Variants in FADS3 observed in about 807,000 individuals in gnomAD.
FADS3 encodes the protein fatty acid desaturase 3.
Under a neutral mutation model 60.4 loss-of-function variants are expected in FADS3, and 30 were observed. The observed-to-expected ratio is 0.50, with a 90% CI of 0.37 to 0.67. The LOEUF (loss-of-function observed/expected upper bound fraction) is 0.67. Among genes scored for constraint, FADS3 ranks in the 30% least tolerant of loss-of-function variants. The pLI is 0.00. For missense variants in FADS3, 432 were observed against 598.3 expected (o/e 0.72, Z 2.90); for synonymous variants, 234 against 249.3 (o/e 0.94, Z 0.58).
In FADS3 at chr11:61,891,521, C is replaced by G; in HGVS notation, c.-140G>C. The G allele has an allele frequency of 2.0e-6, 1 of 498,008 alleles. No homozygotes were observed. Among genetic ancestry groups the G allele is most frequent in the Non-Finnish European group, 3.0e-6 (1 of 331,478 alleles). 30.8% of individuals were successfully genotyped at this position (498,008 alleles called of 1,614,324 possible). ...CCGCCCTGCCGCCGCGGCCGCCGTA[C>G]GAGCGAGCGTGCGCCTCCCGGCTCG... On this transcript the variant is annotated 5_prime_UTR_variant, in exon 1 of 12. Transcript: ENST00000278829.
chr11:61,877,303 C>G lies in FADS3; in HGVS notation c.885+208G>C, dbSNP rs1387189994. 1.1e-4 allele frequency: 28 copies of G among 255,522 alleles called. No homozygotes were observed. Among genetic ancestry groups the G allele is most frequent in the Non-Finnish European group, 1.7e-4 (23 of 131,470 alleles). The allele number at this position is 255,522 out of a possible 1,614,324, so 15.8% of individuals were successfully genotyped here. A position where few individuals can be genotyped will look rare whatever the true frequency, so the allele number is the denominator to read the frequency against. On this transcript the variant is annotated intron_variant, in intron 7 of 11. Transcript: ENST00000278829. This position sits in a 1 kb window ranked among gnomAD's most constrained non-coding sequence, Gnocchi z 4.7. ...ACCCACACCCCCCCTGTTCCTCAAC[C>G]CCCCCCCACCACACGTACAGTCACG...
At chr11:61,875,323 C>T (rs1481675978) in intron 11 of FADS3, among the ~76,000 whole-genome samples, 2 of 152,040 alleles carry the variant, frequency 1.3e-5, no homozygotes, top group Non-Finnish European at 2.9e-5. Context: ...TCTCCTCCCT[C>T]AGCCTCCCAA....
intron 11 of FADS3, among the ~76,000 whole-genome samples, chr11:61,874,701 G>A (rs1177252947): frequency 6.6e-6 from 1 of 152,040 alleles, no homozygotes; most frequent in African/African-American, 2.4e-5. Context: ...AACGCTCTTT[G>A]CCAGATGTCC....
At position 61,878,756 on chromosome 11, in the gene FADS3, C is replaced by T. The variant is rs1231395344; in HGVS notation, c.614G>A (p.Gly205Glu). The change falls in exon 4 of 12, where the codon GGG becomes GAG. Residue 205 changes from glycine to glutamate, a missense_variant. Coordinates refer to ENST00000278829, the MANE Select transcript of FADS3 (RefSeq NM_021727.5). ...WNHVAQKFVM[G>E]QLKGFSAHWW... is the part of the protein sequence containing the mutation. Reference sequence around the variant, plus strand: ...CCACCCCACCCTCACCTTTAGCTGCCCCATCACGAACTTCTGGGCCACGTG... The same window carrying T: ...CCACCCCACCCTCACCTTTAGCTGCTCCATCACGAACTTCTGGGCCACGTG... The T allele has an allele frequency of 6.2e-7, 1 of 1,614,046 alleles. No individual in the cohort carries two copies. The highest frequency in any genetic ancestry group is 2.2e-5 in the East Asian group (1 of 44,880).
intron 6 of FADS3, 99 bp downstream of exon 6, chr11:61,878,056 G>T: frequency 1.9e-6 from 2 of 1,048,272 alleles, no homozygotes; most frequent in Non-Finnish European, 3.0e-6. Context: ...TGACAGACGT[G>T]CCCCGCCCCA....
chr11:61,877,535 G>A lies in FADS3; in HGVS notation c.861C>T (p.Tyr287=). ...CCGCCCACTGCATGCACACCAGCATGTACGCCAGATTTTCCACTTCAAAGT... is the reference window on the plus strand; with the variant it reads ...CCGCCCACTGCATGCACACCAGCATATACGCCAGATTTTCCACTTCAAAGT... ...LVNFEVENLA[Y]MLVCMQWADL... Residue 287 remains tyrosine, a synonymous_variant, in exon 7 of 12, where the codon TAC becomes TAT. Coordinates refer to ENST00000278829, the MANE Select transcript of FADS3 (RefSeq NM_021727.5). The surrounding 1 kb of genome is among the most constrained non-coding windows in gnomAD (Gnocchi z 4.7). The A allele has an allele frequency of 6.2e-7, 1 of 1,613,726 alleles. No homozygotes were observed. Among genetic ancestry groups the A allele is most frequent in the Middle Eastern group, 1.7e-4 (1 of 6,060 alleles).
intron 1 of FADS3, chr11:61,882,174 A>G (rs887315634): frequency 1.4e-5 from 2 of 139,910 alleles, no homozygotes; most frequent in African/African-American, 5.4e-5. Flanking sequence ...GCAGTGGTGC[A>G]ATCATGGCTC....
chr11:61,874,560 C>T (rs560734914), intron 11 of FADS3, among the ~76,000 whole-genome samples: 2 of 152,340 alleles, frequency 1.3e-5, no homozygotes, highest in Non-Finnish European at 2.9e-5. Flanking sequence ...GACTCCTGCC[C>T]GCCAGTCATT....
At chr11:61,884,889 C>T (rs1163171295) in intron 1 of FADS3, among the ~76,000 whole-genome samples, 1 of 152,216 alleles carries the variant, frequency 6.6e-6, no homozygotes, top group East Asian at 1.9e-4. Context: ...TAGCGACAGG[C>T]TCTGTTCACA....
intron 11 of FADS3, 137 bp from the exon 12 acceptor site, chr11:61,874,002 A>T: frequency 1.6e-6 from 1 of 613,384 alleles, no homozygotes. Flanking sequence ...GCAGGCAGCG[A>T]TGCGGGCTGG....
rs749926596 is a variant in FADS3, at chr11:61,876,963, C to A, written c.886G>T (p.Asp296Tyr). 2.5e-6 allele frequency: 4 copies of A among 1,596,754 alleles called. No homozygotes were observed. In the South Asian group the frequency reaches 4.5e-5, roughly 18 times the overall value. Residue 296 changes from aspartate (D) to tyrosine (Y), a missense_variant and splice_region_variant, in exon 8 of 12, where the codon GAT becomes TAT. By Grantham distance (160) the Asp-to-Tyr change is radical. This residue lies in a region of FADS3 where 38 missense variants were observed against 34.8 expected (regional missense o/e 1.09). Coordinates refer to ENST00000278829, the MANE Select transcript of FADS3 (RefSeq NM_021727.5). The surrounding 1 kb of genome is among the most constrained non-coding windows in gnomAD (Gnocchi z 5.7). ...AYMLVCMQWA[D>Y]LLWAASFYAR... ...TAGAAGCTGGCGGCCCAGAGCAAAT[C>A]CTGCAGAGGAGGGCAGAGGCGATAC...
rs1277323105 is a variant in FADS3, at chr11:61,875,879, A to G, written c.1258T>C (p.Phe420Leu). 1 of 1,613,640 alleles carries G rather than the reference A, an allele frequency of 6.2e-7. No homozygotes were observed. Among genetic ancestry groups the G allele is most frequent in the South Asian group, 1.1e-5 (1 of 91,088 alleles). Residue 420 changes from phenylalanine to leucine, a missense_variant, in exon 11 of 12, where the codon TTC (phenylalanine) becomes CTC (leucine). This residue lies in a region of FADS3 where 63 missense variants were observed against 64.5 expected (regional missense o/e 0.98). Coordinates refer to ENST00000278829, the MANE Select transcript of FADS3 (RefSeq NM_021727.5). The stretch of plus-strand genomic sequence containing the variant: ...ACGATGTCCACCAGCGCGGTGAGGA[A>G]GGGCTTCACTTCGTAGCTGAGGCCG... The part of the protein sequence containing the change: ...KHGLSYEVKP[F>L]LTALVDIVRS...
chr11:61,891,475 C>CGGAGG lies in FADS3; in HGVS notation c.-95_-94insCCTCC. 1.1e-6 allele frequency: 1 copy of CGGAGG among 873,882 alleles called. No homozygotes were observed. Among genetic ancestry groups the CGGAGG allele is most frequent in the Non-Finnish European group, 1.5e-6 (1 of 655,882 alleles). The allele number at this position is 873,882 out of a possible 1,614,324, so 54.1% of individuals were successfully genotyped here. On this transcript the variant is annotated 5_prime_UTR_variant, in exon 1 of 12. Coordinates refer to ENST00000278829, the MANE Select transcript of FADS3 (RefSeq NM_021727.5). The stretch of plus-strand genomic sequence containing the variant: ...AGAGCGCTCCCGGGCGCCGCCTCCG[C>CGGAGG]CGCCGCCCGCTGCTCCGGCCCCGCC...
In FADS3 at chr11:61,876,550, T is replaced by C; in HGVS notation, c.984-95A>G. 1.0e-6 allele frequency: 1 copy of C among 957,990 alleles called. No individual in the cohort carries two copies. 59.3% of individuals were successfully genotyped at this position (957,990 alleles called of 1,614,324 possible). A position where few individuals can be genotyped will look rare whatever the true frequency, so the allele number is the denominator to read the frequency against. On this transcript the variant is annotated intron_variant, in intron 8 of 11. Coordinates refer to ENST00000278829, the MANE Select transcript of FADS3 (RefSeq NM_021727.5). This position sits in a 1 kb window ranked among gnomAD's most constrained non-coding sequence, Gnocchi z 5.7. ...GCAGCTGTCCCCAAGTGGCCTTGACTTCCTTATCTGTACAATAGGATTGTG... is the reference window on the plus strand; with the variant it reads ...GCAGCTGTCCCCAAGTGGCCTTGACCTCCTTATCTGTACAATAGGATTGTG...
At chr11:61,881,738 G>C (rs1467648342) in intron 1 of FADS3, 1 of 152,128 alleles carries the variant, frequency 6.6e-6, no homozygotes, top group Non-Finnish European at 1.5e-5. Flanking sequence ...AGCACTTCAG[G>C]CCCCTCCAGC....
chr11:61,882,599 T>C (rs1312880185), intron 1 of FADS3: 1 of 151,866 alleles, frequency 6.6e-6, no homozygotes, highest in Non-Finnish European at 1.5e-5. Flanking sequence ...TTTGAATTTT[T>C]TTGTAGAGTC....
intron 1 of FADS3, among the ~76,000 whole-genome samples, chr11:61,885,590 T>C (rs1938287487): frequency 1.3e-5 from 2 of 152,264 alleles, no homozygotes; most frequent in South Asian, 4.1e-4. Flanking sequence ...TGTTAAGTCC[T>C]GGCCAAGCCT....
chr11:61,878,350 C>G, intron 5 of FADS3, 135 bp from the exon 6 acceptor site: 16 of 1,369,448 alleles, frequency 1.2e-5, no homozygotes, highest in Non-Finnish European at 1.6e-5. Context: ...TCGTCCCCAG[C>G]AGGTTGGGAG....
chr11:61,891,725 C>G (rs1163854535), upstream of FADS3: 1 of 152,980 alleles, frequency 6.5e-6, no homozygotes, highest in Non-Finnish European at 1.5e-5. Context: ...TCGAGGCGGC[C>G]CGCCCCTCCC....
Sources: allele counts gnomAD v4.1 joint callset (sites outside exome capture counted in the v4.1 genomes callset), GRCh38; gene constraint gnomAD v4.1.1; regional missense constraint gnomAD v4.1.1; non-coding constraint Gnocchi (gnomAD v3.1); transcripts MANE v1.5; gene names NCBI Gene and HGNC (gene_info 2026-07-23, HGNC 2026-07-21).